LIPE: variants seen among roughly 807,000 people sequenced by gnomAD.
LIPE encodes lipase E, hormone sensitive type.
In LIPE, 66 loss-of-function variants were observed where a neutral mutation model predicts 88.5. The observed-to-expected ratio is 0.75, with a 90% CI of 0.61 to 0.91. LIPE has a LOEUF of 0.91. Among genes scored for constraint, LIPE ranks in the 40% least tolerant of loss-of-function variants. The pLI is 0.00. For synonymous variants in LIPE, 570 were observed against 617.5 expected (o/e 0.92, Z 1.14); for missense variants, 1,346 against 1,434.7 (o/e 0.94, Z 1.00).
chr19:42,425,887 T>G (rs894574397), intron 1 of LIPE, among the ~76,000 whole-genome samples: 16 of 152,172 alleles, frequency 1.1e-4, no homozygotes, highest in African/African-American at 3.9e-4. Flanking sequence ...ATTGCAACCT[T>G]TGCCTCCCGG....
rs2147598917 is a variant in LIPE at position 42,406,977 on chromosome 19, GGA to G, written c.2137+195_2137+196del. On this transcript the variant is annotated intron_variant, in intron 6 of 9. Coordinates refer to ENST00000244289, the MANE Select transcript of LIPE (RefSeq NM_005357.4). The surrounding 1 kb of genome is among the most constrained non-coding windows in gnomAD (Gnocchi z 5.7). ...GGTGGGAAGTGGAGGTGGAGGAGATGGAGAGTCTGGGTGCCACAGTTGGGGAC... is the reference window on the plus strand; with the variant it reads ...GGTGGGAAGTGGAGGTGGAGGAGATGGAGTCTGGGTGCCACAGTTGGGGAC... Among the ~76,000 whole-genome samples the G allele has an allele frequency of 6.6e-6, 1 of 152,282 alleles. No homozygotes were observed. The highest frequency in any genetic ancestry group is 2.4e-5 in the African/African-American group (1 of 41,562).
In LIPE at chr19:42,408,434, T is replaced by A; in HGVS notation, c.1420-112A>T. On this transcript the variant is annotated intron_variant, in intron 2 of 9. Coordinates refer to ENST00000244289, the MANE Select transcript of LIPE (RefSeq NM_005357.4). The surrounding 1 kb of genome is among the most constrained non-coding windows in gnomAD (Gnocchi z 4.3). ...ACACATTCATTCAGTAAACGTTTCA[T>A]GAGCTCCTACTGTGTGCTGGGCATA... The A allele has an allele frequency of 1.2e-6, 1 of 849,024 alleles. No homozygotes were observed. The highest frequency in any genetic ancestry group is 1.8e-5 in the Admixed American group (1 of 54,808). 52.6% of individuals were successfully genotyped at this position (849,024 alleles called of 1,614,324 possible). A position where few individuals can be genotyped will look rare whatever the true frequency, so the allele number is the denominator to read the frequency against.
intron 1 of LIPE, chr19:42,423,350 C>T (rs1227091339): frequency 2.5e-6 from 3 of 1,186,768 alleles, no homozygotes; most frequent in East Asian, 5.8e-5. Context: ...GGCCAGTCCA[C>T]GCTGTCCCCA....
rs772207421 is a variant in LIPE at position 42,402,836 on chromosome 19, A to G, written c.2738T>C (p.Leu913Ser). 6.2e-7 allele frequency: 1 copy of G among 1,613,580 alleles called. No homozygotes were observed. The highest frequency in any genetic ancestry group is 1.1e-5 in the South Asian group (1 of 90,962). ...PSTPSDVNFL[L>S]PPEDAGEEAE... Reference sequence around the variant, plus strand: ...CTCTTCCCCTGCATCCTCAGGTGGTAATAAGAAGTTGACATCGGAGGGTGT... The same window carrying G: ...CTCTTCCCCTGCATCCTCAGGTGGTGATAAGAAGTTGACATCGGAGGGTGT... Residue 913 changes from leucine to serine, a missense_variant, in exon 9 of 10, where the codon TTA becomes TCA. Coordinates refer to ENST00000244289, the MANE Select transcript of LIPE (RefSeq NM_005357.4).
chr19:42,427,211 G>T lies in LIPE; in HGVS notation c.-62C>A. On this transcript the variant is annotated 5_prime_UTR_variant, in exon 1 of 10. It adds an upstream start codon to the 5' untranslated region. Coordinates refer to ENST00000244289, the MANE Select transcript of LIPE (RefSeq NM_005357.4). ...TTCTATCCTTCTGGGCTCCCACCCA[G>T]CCCTCTCTCTTCACAGATCTCTCAT... 6.6e-7 allele frequency: 1 copy of T among 1,508,580 alleles called. No homozygotes were observed. The allele number at this position is 1,508,580 out of a possible 1,614,324, so 93.4% of individuals were successfully genotyped here.
At chr19:42,405,967 C>T in intron 7 of LIPE, 194 bp downstream of exon 7, 1 of 568,708 alleles carries the variant, frequency 1.8e-6, no homozygotes, top group South Asian at 2.2e-5. Context: ...GTCTGTCTCT[C>T]TCTCTCTCTC....
intron 1 of LIPE, chr19:42,423,581 G>A (rs929161961): frequency 8.3e-7 from 1 of 1,203,226 alleles, no homozygotes; most frequent in Non-Finnish European, 1.0e-6. Context: ...CAGCCGCGAG[G>A]CCCTGCCCGG....
rs778299968 is a variant in LIPE at position 42,403,020 on chromosome 19, G to T, written c.2554C>A (p.Arg852Ser). 2.6e-6 allele frequency: 4 copies of T among 1,563,570 alleles called. No homozygotes were observed. The South Asian group carries it at 3.4e-5, about 13-fold the overall frequency. The change falls in exon 9 of 10, where the codon CGC (arginine) becomes AGC (serine). Residue 852 changes from arginine (R) to serine (S), a missense_variant. Physicochemically the swap from Arg to Ser is moderately radical, Grantham distance 110 (BLOSUM62 -1). Transcript: ENST00000244289. The part of the protein sequence containing the change: ...MSEPIAEPMR[R>S]SVSEAALAQP... ...GCCAGTGCTGCTTCAGACACACTGC[G>T]GCGCATCGGCTCTGAGAGAGGGAGA...
At chr19:42,423,549 G>T (rs1268115827) in intron 1 of LIPE, 2 of 1,241,482 alleles carry the variant, frequency 1.6e-6, no homozygotes, top group East Asian at 1.1e-4. Context: ...ATTCCCCGCG[G>T]TCCTCCCGCG....
chr19:42,420,659 TCTCCCCAC>T (rs1335738010), intron 1 of LIPE, among the ~76,000 whole-genome samples: 3 of 151,966 alleles, frequency 2.0e-5, no homozygotes, highest in Admixed American at 2.0e-4. Flanking sequence ...ACCTGGCCCT[TCTCCCCAC>T]CTCCACTGCC....
chr19:42,423,521 C>G (rs1198464768), intron 1 of LIPE: 1 of 1,268,606 alleles, frequency 7.9e-7, no homozygotes, highest in Non-Finnish European at 1.0e-6. Flanking sequence ...GGCTCCGTTC[C>G]CCCGGCCAAC....
intron 1 of LIPE, chr19:42,423,706 C>G (rs2040649806): frequency 8.8e-7 from 1 of 1,135,686 alleles, no homozygotes; most frequent in Non-Finnish European, 1.1e-6. Context: ...CTGCCGTGCT[C>G]CGCCCCCAAC....
At chr19:42,425,929 G>A (rs1161039209) in intron 1 of LIPE, among the ~76,000 whole-genome samples, 1 of 152,034 alleles carries the variant, frequency 6.6e-6, no homozygotes, top group Non-Finnish European at 1.5e-5. Flanking sequence ...AGCCTCCCGA[G>A]TAGCTGGGAT....
At chr19:42,423,401 C>T (rs1242470109) in intron 1 of LIPE, 2 of 1,289,008 alleles carry the variant, frequency 1.6e-6, no homozygotes, top group East Asian at 5.6e-5. Flanking sequence ...GGGCTGCTGC[C>T]GGTCTCCGCG....
intron 1 of LIPE, chr19:42,423,523 C>G (rs749072843): frequency 2.4e-6 from 3 of 1,262,588 alleles, no homozygotes; most frequent in South Asian, 2.6e-5. Flanking sequence ...CTCCGTTCCC[C>G]CGGCCAACTC....
At chr19:42,417,329 A>T (rs1238605547) in intron 1 of LIPE, among the ~76,000 whole-genome samples, 1 of 152,006 alleles carries the variant, frequency 6.6e-6, no homozygotes, top group Non-Finnish European at 1.5e-5. Flanking sequence ...GCACGATCAT[A>T]CCTCACTGCA....
chr19:42,406,535 A>G lies in LIPE; in HGVS notation c.2138-147T>C, dbSNP rs540314878. The G allele has an allele frequency of 1.5e-6, 1 of 651,454 alleles. No individual in the cohort carries two copies. The highest frequency in any genetic ancestry group is 2.7e-5 in the East Asian group (1 of 36,380). 40.4% of individuals were successfully genotyped at this position (651,454 alleles called of 1,614,324 possible). A position where few individuals can be genotyped will look rare whatever the true frequency, so the allele number is the denominator to read the frequency against. ...GGCCTAGCAGACTGCAGTTTTAGAG[A>G]CTGGCAGACTGAGGCACAGATTTGG... On this transcript the variant is annotated intron_variant, in intron 6 of 9. Transcript: ENST00000244289. The surrounding 1 kb of genome is among the most constrained non-coding windows in gnomAD (Gnocchi z 5.7).
rs1035012618 is a variant in LIPE, at chr19:42,410,239, T to C, written c.1419+68A>G. ...GACCACTGGTTACTTTACCATACTA[T>C]AGGCCAGGCCAGGGGCCACCAGGTG... On this transcript the variant is annotated intron_variant, in intron 2 of 9. Coordinates refer to ENST00000244289, the MANE Select transcript of LIPE (RefSeq NM_005357.4). The surrounding 1 kb of genome is among the most constrained non-coding windows in gnomAD (Gnocchi z 6.1). The C allele has an allele frequency of 3.5e-6, 5 of 1,441,778 alleles. No homozygotes were observed. Among genetic ancestry groups the C allele is most frequent in the Admixed American group, 2.3e-5 (1 of 44,268 alleles). The allele number at this position is 1,441,778 out of a possible 1,614,324, so 89.3% of individuals were successfully genotyped here. A position where few individuals can be genotyped will look rare whatever the true frequency, so the allele number is the denominator to read the frequency against.
At chr19:42,424,478 G>A (rs2040670666) in intron 1 of LIPE, 1 of 456,224 alleles carries the variant, frequency 2.2e-6, no homozygotes, top group Non-Finnish European at 4.4e-6. Flanking sequence ...CTGGAGGCCT[G>A]GAGAAACAGC....
Sources: gnomAD v4.1 joint callset for allele counts (sites outside exome capture counted in the v4.1 genomes callset) on GRCh38, gnomAD v4.1.1 for gene constraint, Gnocchi (gnomAD v3.1) non-coding constraint, MANE v1.5 for transcripts, NCBI Gene and HGNC (gene_info 2026-07-23, HGNC 2026-07-21) for gene names.